GIMAP8: variants seen among roughly 807,000 people sequenced by gnomAD.
GIMAP8 encodes the protein GTPase, IMAP family member 8.
GIMAP8 carries 29 observed loss-of-function variants against 35.6 expected under a neutral mutation model. That is an observed-to-expected ratio of 0.81 (90% CI 0.61 to 1.11). The LOEUF is 1.11. GIMAP8 is among the 50% of genes most tolerant of loss of function. The pLI is 0.00. For missense variants in GIMAP8, 811 were observed against 805.0 expected (o/e 1.01, Z -0.09); for synonymous variants, 335 against 308.7 (o/e 1.09, Z -0.89).
At chr7:150,456,990 G>A (rs1375490410) in intron 1 of GIMAP8, among the ~76,000 whole-genome samples, 1 of 152,190 alleles carries the variant, frequency 6.6e-6, no homozygotes, top group Non-Finnish European at 1.5e-5. Flanking sequence ...CAACCCAGTG[G>A]TGCTAGAGGA....
chr7:150,451,926 C>T lies in GIMAP8; in HGVS notation c.-29+751C>T, dbSNP rs548933043. On this transcript the variant is annotated intron_variant, in intron 1 of 4. Transcript: ENST00000307271. This position sits in a 1 kb window ranked among gnomAD's most constrained non-coding sequence, Gnocchi z 4.1. ...CCTGCTGGGCTGGGTCTAAGGTCTT[C>T]CCCACGCTGGGCTCTGGAGGCATCT... Among the ~76,000 whole-genome samples, 1 of 152,316 alleles carries T rather than the reference C, an allele frequency of 6.6e-6. No homozygotes were observed. The highest frequency in any genetic ancestry group is 2.1e-4 in the South Asian group (1 of 4,830).
At position 150,477,546 on chromosome 7, in the gene GIMAP8, G is replaced by T. The variant is rs150542748; in HGVS notation, c.1764G>T (p.Arg588=). The change falls in exon 5 of 5, where the codon CGG becomes CGT. Residue 588 remains arginine, a synonymous_variant. Transcript: ENST00000307271. ...AGAACTCAGATAACAAAGCCCTTCG[G>T]CGCATTTTTAAAAAGTGTGGGCGGC... is the stretch of plus-strand genomic sequence containing the variant. ...FMKNSDNKAL[R]RIFKKCGRRV... 49 of 1,614,026 alleles carry T rather than the reference G, an allele frequency of 3.0e-5. No individual in the cohort carries two copies. In the East Asian group the frequency reaches 6.5e-4, roughly 21 times the overall value.
chr7:150,462,258 A>T (rs1801858842), intron 1 of GIMAP8, among the ~76,000 whole-genome samples: 1 of 152,192 alleles, frequency 6.6e-6, no homozygotes, highest in African/African-American at 2.4e-5. Flanking sequence ...GCTTCAGGCC[A>T]TCTGGATGTA....
chr7:150,471,142 C>G (rs1452485223), intron 3 of GIMAP8, among the ~76,000 whole-genome samples: 1 of 152,184 alleles, frequency 6.6e-6, no homozygotes, highest in Non-Finnish European at 1.5e-5. Context: ...TGTCTTCTTT[C>G]CTAACTCAGA....
At chr7:150,460,850 G>T (rs78186435) in intron 1 of GIMAP8, among the ~76,000 whole-genome samples, 15 of 152,270 alleles carry the variant, frequency 9.9e-5, no homozygotes, top group African/African-American at 3.6e-4. Flanking sequence ...GAGTCCTTCC[G>T]TGCACACCTG....
intron 3 of GIMAP8, 146 bp from the exon 4 acceptor site, chr7:150,473,866 G>C: frequency 1.3e-6 from 1 of 778,794 alleles, no homozygotes; most frequent in Non-Finnish European, 2.1e-6. Context: ...TTGATGGAGA[G>C]CTTCTGGCTG....
chr7:150,466,722 G>C lies in GIMAP8; in HGVS notation c.24G>C (p.Met8Ile), dbSNP rs372078848. The C allele has an allele frequency of 2.5e-6, 4 of 1,614,178 alleles. No homozygotes were observed. Among genetic ancestry groups the C allele is most frequent in the East Asian group, 4.5e-5 (2 of 44,886 alleles). Residue 8 changes from methionine to isoleucine, a missense_variant, in exon 2 of 5, where the codon ATG becomes ATC. By Grantham distance (10) the Met-to-Ile change is conservative. Coordinates refer to ENST00000307271, the MANE Select transcript of GIMAP8 (RefSeq NM_175571.4). MSEQSCQ[M>I]SELRLLLLGK... ...GCATGTCAGAGCAGAGCTGCCAGAT[G>C]TCCGAACTGCGGCTCCTCCTCCTGG... is the stretch of plus-strand genomic sequence containing the variant.
In GIMAP8 at chr7:150,477,836, G is replaced by A. The variant is rs186032562; in HGVS notation, c.*56G>A. 9.8e-5 allele frequency: 141 copies of A among 1,436,240 alleles called. No individual in the cohort carries two copies. In the East Asian group the frequency reaches 3.2e-3, roughly 32 times the overall value. 89.0% of individuals were successfully genotyped at this position (1,436,240 alleles called of 1,614,324 possible). A position where few individuals can be genotyped will look rare whatever the true frequency, so the allele number is the denominator to read the frequency against. ...AGAGACACCCTCAGGTTGGGGGGAG[G>A]GGCGGGGCATGGTACAACCTGTGGG... On this transcript the variant is annotated 3_prime_UTR_variant, in exon 5 of 5. Coordinates refer to ENST00000307271, the MANE Select transcript of GIMAP8 (RefSeq NM_175571.4).
At position 150,474,535 on chromosome 7, in the gene GIMAP8, G is replaced by T; in HGVS notation, c.1206G>T (p.Arg402=). 6.3e-7 allele frequency: 1 copy of T among 1,577,520 alleles called. No individual in the cohort carries two copies. Residue 402 remains arginine, a synonymous_variant, in exon 4 of 5, where the codon CGG becomes CGT. Transcript: ENST00000307271. ...ACAGATATAGTGCCTTCAACTACCGGGCAACAGGAGAAGAAGAGCAAAGGC... is the reference window on the plus strand; with the variant it reads ...ACAGATATAGTGCCTTCAACTACCGTGCAACAGGAGAAGAAGAGCAAAGGC... ...CKNRYSAFNY[R]ATGEEEQRQA... is the part of the protein sequence containing the mutation.
intron 3 of GIMAP8, among the ~76,000 whole-genome samples, 175 bp from the exon 4 acceptor site, chr7:150,473,837 C>T (rs1802150800): frequency 6.6e-6 from 1 of 152,028 alleles, no homozygotes; most frequent in Non-Finnish European, 1.5e-5. Flanking sequence ...CACTCCTGCC[C>T]CTGTTTGTGG....
intron 4 of GIMAP8, among the ~76,000 whole-genome samples, chr7:150,475,158 T>G (rs534628201): frequency 6.6e-6 from 1 of 152,228 alleles, no homozygotes; most frequent in Non-Finnish European, 1.5e-5. Context: ...CCTGTGTTAG[T>G]CTGCTTAGGA....
In GIMAP8 at chr7:150,469,040, CT is replaced by C. The variant is rs537792166; in HGVS notation, c.636+1707del. ...AGTAAGTTTCCTACAATGAAACCCT[CT>C]GGTTTTACATGCTCCAGTGACTTCC... On this transcript the variant is annotated intron_variant, in intron 2 of 4. Coordinates refer to ENST00000307271, the MANE Select transcript of GIMAP8 (RefSeq NM_175571.4). Among the ~76,000 whole-genome samples, 477 of 152,300 alleles carry C rather than the reference CT, an allele frequency of 3.1e-3. 1 individual carries two copies. The highest frequency in any genetic ancestry group is 9.9e-3 in the South Asian group (48 of 4,830).
rs538370525 is a variant in GIMAP8, at chr7:150,466,586, C to A, written c.-28-85C>A. 4.8e-6 allele frequency: 6 copies of A among 1,240,666 alleles called. No homozygotes were observed. In the South Asian group the frequency reaches 7.4e-5, roughly 15 times the overall value. The allele number at this position is 1,240,666 out of a possible 1,614,324, so 76.9% of individuals were successfully genotyped here. On this transcript the variant is annotated intron_variant, in intron 1 of 4. Coordinates refer to ENST00000307271, the MANE Select transcript of GIMAP8 (RefSeq NM_175571.4). The stretch of plus-strand genomic sequence containing the variant: ...CAAATTCATTGGCGGCAATTTGAGT[C>A]AAAAAGAGAATGTCTTTTCTTGCTG...
At position 150,472,709 on chromosome 7, in the gene GIMAP8, C is replaced by T. The variant is rs539062219; in HGVS notation, c.683-1303C>T. Among the ~76,000 whole-genome samples the T allele has an allele frequency of 6.6e-6, 1 of 152,272 alleles. No individual in the cohort carries two copies. The highest frequency in any genetic ancestry group is 2.4e-5 in the African/African-American group (1 of 41,532). ...ATGGCAGCTGATTTGTATAGTTTTGCGGTGAGCAATTTAGGTGAAGTTCTC... is the reference window on the plus strand; with the variant it reads ...ATGGCAGCTGATTTGTATAGTTTTGTGGTGAGCAATTTAGGTGAAGTTCTC... On this transcript the variant is annotated intron_variant, in intron 3 of 4. Coordinates refer to ENST00000307271, the MANE Select transcript of GIMAP8 (RefSeq NM_175571.4). The surrounding 1 kb of genome is among the most constrained non-coding windows in gnomAD (Gnocchi z 4.1).
intron 1 of GIMAP8, among the ~76,000 whole-genome samples, chr7:150,452,566 T>C (rs1377788026): frequency 1.3e-5 from 2 of 150,078 alleles, no homozygotes; most frequent in Non-Finnish European, 3.0e-5. Flanking sequence ...TGCATATATA[T>C]GTGTGTGTGT....
chr7:150,452,475 G>A (rs1201895291), intron 1 of GIMAP8, among the ~76,000 whole-genome samples: 1 of 151,376 alleles, frequency 6.6e-6, no homozygotes, highest in Non-Finnish European at 1.5e-5. Context: ...CCTGTGGGAG[G>A]CCTCTGCTTC....
chr7:150,454,949 A>C (rs1801695021), intron 1 of GIMAP8, among the ~76,000 whole-genome samples: 1 of 152,024 alleles, frequency 6.6e-6, no homozygotes, highest in Non-Finnish European at 1.5e-5. Context: ...GACCAGCCTG[A>C]CCAACATGGA....
intron 1 of GIMAP8, among the ~76,000 whole-genome samples, chr7:150,458,789 T>A (rs1271712565): frequency 1.3e-5 from 2 of 152,242 alleles, no homozygotes; most frequent in African/African-American, 4.8e-5. Context: ...GATGTAAAGT[T>A]AACCATACTT....
At position 150,478,661 on chromosome 7, in the gene GIMAP8, T is replaced by C. The variant is rs1192429702; in HGVS notation, c.*881T>C. On this transcript the variant is annotated 3_prime_UTR_variant, in exon 5 of 5. Coordinates refer to ENST00000307271, the MANE Select transcript of GIMAP8 (RefSeq NM_175571.4). ...CAGGTTAAAACTCAGAGAACTCCAA[T>C]AATAATGGTTTAAAAACATCAGGGG... 6.6e-6 allele frequency: 1 copy of C among 152,184 alleles called. No homozygotes were observed. Among genetic ancestry groups the C allele is most frequent in the Admixed American group, 6.5e-5 (1 of 15,280 alleles). 9.4% of individuals were successfully genotyped at this position (152,184 alleles called of 1,614,324 possible). A position where few individuals can be genotyped will look rare whatever the true frequency, so the allele number is the denominator to read the frequency against.
Sources: allele counts gnomAD v4.1 joint callset (sites outside exome capture counted in the v4.1 genomes callset), GRCh38; gene constraint gnomAD v4.1.1; non-coding constraint Gnocchi (gnomAD v3.1); transcripts MANE v1.5; gene names NCBI Gene and HGNC (gene_info 2026-07-23, HGNC 2026-07-21).